Variants in NPIPB2 observed in about 807,000 individuals in gnomAD.
NPIPB2 encodes the protein nuclear pore complex interacting protein family member B2.
NPIPB2 carries 27 observed loss-of-function variants against 30.8 expected under a neutral mutation model. That is an observed-to-expected ratio of 0.88 (90% confidence interval 0.65 to 1.21). The LOEUF is 1.21. Among genes scored for constraint, NPIPB2 ranks in the 50% most tolerant of loss-of-function variants. The pLI is 0.00. For missense variants in NPIPB2, 440 were observed against 446.2 expected (o/e 0.99, Z 0.13); for synonymous variants, 147 against 162.0 (o/e 0.91, Z 0.70).
intron 7 of NPIPB2, 63 bp from the exon 8 acceptor site, chr16:11,927,942 C>T (rs1046061366): frequency 3.6e-5 from 27 of 759,826 alleles, no homozygotes; most frequent in Non-Finnish European, 5.2e-5. Flanking sequence ...ATTACCGCCA[C>T]CAACACAGTC....
At chr16:11,943,727 G>A (rs190972529), upstream of NPIPB2, among the ~76,000 whole-genome samples, 3 of 150,524 alleles carry the variant, frequency 2.0e-5, no homozygotes, top group Admixed American at 6.6e-5. Flanking sequence ...AGCCAGGCAC[G>A]GTGGCTCATG....
At chr16:11,957,133 A>G (rs1361091405) in intron 1 of NPIPB2, among the ~76,000 whole-genome samples, 2 of 147,666 alleles carry the variant, frequency 1.4e-5, no homozygotes, top group Admixed American at 1.4e-4. Context: ...CTGGGATTAC[A>G]GGTATGTGCC....
chr16:11,938,309 C>A (rs1269652170), intron 1 of NPIPB2, among the ~76,000 whole-genome samples: 1 of 151,442 alleles, frequency 6.6e-6, no homozygotes, highest in African/African-American at 2.4e-5. Context: ...AGCCACCGTG[C>A]CCGGCCATTT....
chr16:11,963,147 A>AGGC (rs2055166504), intron 1 of NPIPB2, among the ~76,000 whole-genome samples: 1 of 152,208 alleles, frequency 6.6e-6, no homozygotes, highest in African/African-American at 2.4e-5. Flanking sequence ...TGAGAGGCCA[A>AGGC]GGCCGGTGGG....
chr16:11,941,781 C>A lies in NPIPB2; in HGVS notation c.63+202G>T. 2.6e-6 allele frequency: 3 copies of A among 1,144,866 alleles called. No individual in the cohort carries two copies. The South Asian group carries it at 3.9e-5, about 15-fold the overall frequency. The allele number at this position is 1,144,866 out of a possible 1,614,324, so 70.9% of individuals were successfully genotyped here. The stretch of plus-strand genomic sequence containing the variant: ...CGCATCATTCCAATGACCCCTCCCC[C>A]ATCTCAGTCTCCCACTCTCCTCCCA... On this transcript the variant is annotated intron_variant, in intron 1 of 7. Transcript: ENST00000399147.
At position 11,961,545 on chromosome 16, in the gene NPIPB2, C is replaced by T. The variant is rs1045594770; in HGVS notation, c.-584+15023G>A. Reference sequence around the variant, plus strand: ...CTATAATCCTAGCACTTTGGGAGGCCGAGGCGGGCGAATCACTTGAGGTCA... The same window carrying T: ...CTATAATCCTAGCACTTTGGGAGGCTGAGGCGGGCGAATCACTTGAGGTCA... On this transcript the variant is annotated intron_variant, in intron 1 of 5. Coordinates refer to the NPIPB2 transcript ENST00000538896. 7.2e-5 allele frequency among the ~76,000 whole-genome samples: 11 copies of T among 151,910 alleles called. 1 individual carries two copies. Among genetic ancestry groups the T allele is most frequent in the African/African-American group, 2.4e-4 (10 of 41,370 alleles).
At chr16:11,948,532 C>T (rs1041189737) in intron 1 of NPIPB2, among the ~76,000 whole-genome samples, 3 of 151,930 alleles carry the variant, frequency 2.0e-5, no homozygotes, top group East Asian at 3.9e-4. Flanking sequence ...TTTGGGAGCC[C>T]GAGGCGGATG....
chr16:11,949,349 A>C (rs2055043043), intron 1 of NPIPB2, among the ~76,000 whole-genome samples: 2 of 152,208 alleles, frequency 1.3e-5, no homozygotes, highest in Non-Finnish European at 2.9e-5. Flanking sequence ...ACTGAGGCTT[A>C]GCAAGGTGAA....
chr16:11,965,376 T>G, intron 1 of NPIPB2: 1 of 1,614,236 alleles, frequency 6.2e-7, no homozygotes, highest in Non-Finnish European at 8.5e-7. Flanking sequence ...TGACAGTTTG[T>G]TGCATGCTTG....
At chr16:11,943,096 C>A (rs1050029894), upstream of NPIPB2, among the ~76,000 whole-genome samples, 18 of 151,930 alleles carry the variant, frequency 1.2e-4, no homozygotes, top group African/African-American at 4.1e-4. Context: ...CCGAGGTGGG[C>A]GGATCACAAG....
chr16:11,943,997 CA>C (rs398070768), upstream of NPIPB2, among the ~76,000 whole-genome samples: 6 of 50,350 alleles, frequency 1.2e-4, no homozygotes, highest in Middle Eastern at 0.031. Context: ...GACTCTGTCT[CA>C]AAAAAAAAAA....
At chr16:11,936,301 T>C (rs1386838006) in intron 2 of NPIPB2, among the ~76,000 whole-genome samples, 1 of 151,978 alleles carries the variant, frequency 6.6e-6, no homozygotes, top group East Asian at 1.9e-4. Context: ...GAGACTCGTC[T>C]TGAGGGTGAG....
chr16:11,963,020 T>A (rs965704534), intron 1 of NPIPB2, among the ~76,000 whole-genome samples: 1 of 152,056 alleles, frequency 6.6e-6, no homozygotes, highest in Non-Finnish European at 1.5e-5. Context: ...ATCGCACTAC[T>A]GTACCCCAGC....
intron 2 of NPIPB2, 125 bp downstream of exon 2, chr16:11,937,415 C>A (rs551888266): frequency 1.1e-5 from 7 of 631,882 alleles, no homozygotes; most frequent in African/African-American, 7.3e-5. Flanking sequence ...GCTAATAAAT[C>A]ATTTCCCTGA....
At chr16:11,946,140 C>G (rs569327172), upstream of NPIPB2, among the ~76,000 whole-genome samples, 1 of 152,006 alleles carries the variant, frequency 6.6e-6, no homozygotes, top group South Asian at 2.1e-4. Context: ...AATCCCAGCA[C>G]TTTGGGAGGC....
At chr16:11,937,064 C>T (rs1166740459) in intron 2 of NPIPB2, among the ~76,000 whole-genome samples, 1 of 151,908 alleles carries the variant, frequency 6.6e-6, no homozygotes, top group Admixed American at 6.6e-5. Flanking sequence ...ATCAACCATC[C>T]AGCCCTTCTA....
chr16:11,964,706 C>T (rs759019174), intron 1 of NPIPB2, among the ~76,000 whole-genome samples: 10 of 152,174 alleles, frequency 6.6e-5, no homozygotes, highest in East Asian at 1.9e-4. Flanking sequence ...AGCGCCACGG[C>T]GCCCAGCTTA....
exon 1 of NPIPB2, chr16:11,976,620 C>T (rs2055302807): frequency 5.3e-6 from 2 of 375,714 alleles, no homozygotes; most frequent in African/African-American, 2.1e-5. Context: ...CCGGGTCCGG[C>T]GACTTGGATC....
At chr16:11,927,977 AT>A in intron 7 of NPIPB2, 98 bp from the exon 8 acceptor site, 1 of 675,490 alleles carries the variant, frequency 1.5e-6, no homozygotes, top group Non-Finnish European at 2.3e-6. Flanking sequence ...CTGGTGATAG[AT>A]TTTTGCACCT....
Sources: gnomAD v4.1 joint callset for allele counts (sites outside exome capture counted in the v4.1 genomes callset) on GRCh38, gnomAD v4.1.1 for gene constraint, MANE v1.5 for transcripts, NCBI Gene and HGNC (gene_info 2026-07-23, HGNC 2026-07-21) for gene names.